The following ATM variants were observed in gnomAD, a reference collection of about 807,000 sequenced individuals.
The protein encoded by ATM is ATM serine/threonine kinase.
In ATM, 308 loss-of-function variants were observed where a neutral mutation model predicts 387.0. That is an observed-to-expected ratio of 0.80 (90% CI 0.73 to 0.87). ATM has a LOEUF of 0.87. Among genes scored for constraint, ATM ranks in the 40% least tolerant of loss-of-function variants. The pLI, the probability that ATM is intolerant of heterozygous loss-of-function variation, is 0.00. For missense variants in ATM, 3,312 were observed against 3,560.9 expected (o/e 0.93, Z 1.78); for synonymous variants, 1,156 against 1,187.3 (o/e 0.97, Z 0.54).
Position 108,335,849 on chromosome 11 carries a change from G to T in ATM, c.8156G>T (p.Arg2719Leu), listed in dbSNP as rs55982963. ...TCATGCTTAATTATTCTGAAGGGCC[G>T]TGATGACCTGAGACAAGATGCTGTC... is the stretch of plus-strand genomic sequence containing the variant. ...GKERRQLVKGRDDLRQDAVMQ... is the reference protein window; with the variant it reads ...GKERRQLVKGLDDLRQDAVMQ... Residue 2719 changes from arginine (R) to leucine (L), a missense_variant, in exon 56 of 63, where the codon CGT (arginine) becomes CTT (leucine). Physicochemically the swap from Arg to Leu is moderately radical, Grantham distance 102 (BLOSUM62 -2). This residue lies in a region of ATM where 1,405 missense variants were observed against 1,604.4 expected (regional missense o/e 0.88). Transcript: ENST00000675843. 1 of 1,612,384 alleles carries T rather than the reference G, an allele frequency of 6.2e-7. No individual in the cohort carries two copies. Among genetic ancestry groups the T allele is most frequent in the African/African-American group, 1.3e-5 (1 of 74,836 alleles).
chr11:108,316,753 C>CA (rs58165074), intron 42 of ATM, among the ~76,000 whole-genome samples: 39,082 of 72,528 alleles, frequency 0.54, 9,328 homozygotes, highest in South Asian at 0.64. Flanking sequence ...ACTAAAAATA[C>CA]AAAAAAAAAA....
At chr11:108,231,696 C>CAAAAAAAAAA (rs144747278) in intron 4 of ATM, 3 of 74,932 alleles carry the variant, frequency 4.0e-5, no homozygotes, top group Non-Finnish European at 2.5e-5. Flanking sequence ...AACTCTGTCT[C>CAAAAAAAAAA]AAAAAAAAAA....
intron 3 of ATM, 151 bp from the exon 4 acceptor site, chr11:108,229,027 T>C: frequency 1.4e-6 from 1 of 730,956 alleles, no homozygotes; most frequent in Non-Finnish European, 2.2e-6. Context: ...GAAAGAGAGA[T>C]TTAATTGTTT....
intron 5 of ATM, among the ~76,000 whole-genome samples, chr11:108,239,318 A>G (rs995910783): frequency 2.6e-5 from 4 of 152,224 alleles, no homozygotes; most frequent in Non-Finnish European, 5.9e-5. Context: ...AATTGAGAGA[A>G]ATAAATTTCT....
chr11:108,345,042 G>C (rs1458215018), intron 57 of ATM, among the ~76,000 whole-genome samples: 3 of 152,110 alleles, frequency 2.0e-5, no homozygotes, highest in Non-Finnish European at 4.4e-5. Flanking sequence ...GGAGTAGCCA[G>C]TGCCTCCCAG....
rs1555069653 is a variant in ATM, at chr11:108,248,990, AG to A, written c.1124del (p.Arg375LysfsTer15). On this transcript the variant is annotated frameshift_variant, in exon 9 of 63. Transcript: ENST00000675843. LOFTEE classifies it high-confidence loss of function. ...EISQSYTTTQ[R>X]ESSDYSVPCK... The stretch of plus-strand genomic sequence containing the variant: ...TTCTCAATCTTACACTACTACACAA[AG>A]AGAATCTAGTGATTACAGTGTCCCT... 1.2e-6 allele frequency: 2 copies of A among 1,613,396 alleles called. No homozygotes were observed. The highest frequency in any genetic ancestry group is 1.7e-6 in the Non-Finnish European group (2 of 1,179,330).
intron 5 of ATM, among the ~76,000 whole-genome samples, chr11:108,241,742 C>CTTTTTTTTTTTTTTTTTTTTTT (rs1206745957): frequency 8.8e-5 from 4 of 45,366 alleles, no homozygotes; most frequent in Non-Finnish European, 1.8e-4. Context: ...TTCTTTCTTT[C>CTTTTTTTTTTTTTTTTTTTTTT]TTTTTTTTTT....
Position 108,287,656 on chromosome 11 carries a change from G to A in ATM, c.4050G>A (p.Thr1350=), listed in dbSNP as rs770697446. 9.9e-6 allele frequency: 16 copies of A among 1,613,608 alleles called. No individual in the cohort carries two copies. The highest frequency in any genetic ancestry group is 4.5e-5 in the East Asian group (2 of 44,864). Residue 1350 remains threonine, a synonymous_variant, in exon 27 of 63, where the codon ACG becomes ACA. Coordinates refer to ENST00000675843, the MANE Select transcript of ATM (RefSeq NM_000051.4). The part of the protein sequence containing the change: ...LPEIVVELLM[T]LHEPANSSAS... ...AGATTGTGGTGGAGTTATTGATGACGTTACATGAGCCAGCAAATTCTAGTG... is the reference window on the plus strand; with the variant it reads ...AGATTGTGGTGGAGTTATTGATGACATTACATGAGCCAGCAAATTCTAGTG...
intron 17 of ATM, 21 bp downstream of exon 17, chr11:108,267,363 T>A (rs772790357): frequency 6.2e-7 from 1 of 1,611,544 alleles, no homozygotes; most frequent in South Asian, 1.1e-5. Flanking sequence ...ATTTACTACT[T>A]GGGATTTCTT....
intron 5 of ATM, among the ~76,000 whole-genome samples, chr11:108,240,665 A>G (rs1281774249): frequency 6.8e-6 from 1 of 147,754 alleles, no homozygotes; most frequent in Non-Finnish European, 1.5e-5. Context: ...AAAGTATAGT[A>G]TAAAGGATAA....
At chr11:108,266,826 CT>C (rs2081276714) in intron 16 of ATM, among the ~76,000 whole-genome samples, 1 of 142,122 alleles carries the variant, frequency 7.0e-6, no homozygotes. Flanking sequence ...CAGAGTCTCG[CT>C]TCGTCAAACC....
intron 5 of ATM, among the ~76,000 whole-genome samples, 192 bp from the exon 6 acceptor site, chr11:108,243,761 C>T (rs2079683057): frequency 1.3e-5 from 2 of 152,080 alleles, no homozygotes; most frequent in Non-Finnish European, 2.9e-5. Flanking sequence ...ATAGTTATTC[C>T]TGTCTTAAAG....
intron 54 of ATM, among the ~76,000 whole-genome samples, chr11:108,334,602 A>T (rs227061): frequency 6.6e-6 from 1 of 151,952 alleles, no homozygotes; most frequent in South Asian, 2.1e-4. Flanking sequence ...TAGCTGTATC[A>T]TGTGGATTAA....
intron 2 of ATM, 34 bp downstream of exon 2, chr11:108,227,730 AAT>A: frequency 6.3e-7 from 1 of 1,581,310 alleles, no homozygotes; most frequent in Non-Finnish European, 8.6e-7. Flanking sequence ...TTTTCCTTGA[AAT>A]AAGTGTGATT....
intron 27 of ATM, 123 bp downstream of exon 27, chr11:108,287,838 T>C: frequency 2.9e-6 from 2 of 701,664 alleles, no homozygotes; most frequent in South Asian, 3.5e-5. Context: ...AAAATTTTCT[T>C]TAAAAATAGC....
chr11:108,224,169 T>A (rs185303779), intron 1 of ATM: 1 of 152,292 alleles, frequency 6.6e-6, no homozygotes, highest in Non-Finnish European at 1.5e-5. Flanking sequence ...CTTTTATCAT[T>A]GAGAAACTGA....
chr11:108,276,085 C>T (rs981169802), intron 22 of ATM, among the ~76,000 whole-genome samples: 9 of 152,112 alleles, frequency 5.9e-5, no homozygotes, highest in Admixed American at 5.9e-4. Flanking sequence ...CTAATCTTGT[C>T]TTCATGCTTT....
chr11:108,259,771 C>T (rs1359232305), intron 16 of ATM, among the ~76,000 whole-genome samples: 1 of 152,138 alleles, frequency 6.6e-6, no homozygotes, highest in East Asian at 1.9e-4. Flanking sequence ...TATTTTTCTT[C>T]CATACAAATG....
rs150355232 is a variant in ATM, at chr11:108,332,781, A to G, written c.7808A>G (p.Asn2603Ser). 4 of 1,613,106 alleles carry G rather than the reference A, an allele frequency of 2.5e-6. No homozygotes were observed. In the African/African-American group the frequency reaches 4.0e-5, roughly 16 times the overall value. ...TAATAGGATCGAACAGAGGCTGCAAATAGAATAATATGTACTATCAGAAGT... is the reference window on the plus strand; with the variant it reads ...TAATAGGATCGAACAGAGGCTGCAAGTAGAATAATATGTACTATCAGAAGT... ...QLDEDRTEAA[N>S]RIICTIRSRR... Residue 2603 changes from asparagine to serine, a missense_variant, in exon 53 of 63, where the codon AAT becomes AGT. This residue lies in a region of ATM where 1,405 missense variants were observed against 1,604.4 expected (regional missense o/e 0.88). Transcript: ENST00000675843.
Sources: gnomAD v4.1 joint callset for allele counts (sites outside exome capture counted in the v4.1 genomes callset) on GRCh38, gnomAD v4.1.1 for gene constraint, gnomAD v4.1.1 regional missense constraint, MANE v1.5 for transcripts, NCBI Gene and HGNC (gene_info 2026-07-23, HGNC 2026-07-21) for gene names.